FANCA: variants seen among roughly 807,000 people sequenced by gnomAD.
FANCA encodes the protein FA complementation group A.
FANCA carries 236 observed loss-of-function variants against 194.3 expected under a neutral mutation model. That is an observed-to-expected ratio of 1.21 (90% CI 1.09 to 1.35). The LOEUF (loss-of-function observed/expected upper bound fraction) is 1.35, where lower values mean the gene tolerates loss of function less well. Among genes scored for constraint, FANCA ranks in the 40% most tolerant of loss-of-function variants. FANCA has a pLI of 0.00. For missense variants in FANCA, 2,628 were observed against 1,813.9 expected (o/e 1.45, Z -8.15); for synonymous variants, 1,014 against 715.8 (o/e 1.42, Z -6.65).
At chr16:89,796,245 G>A (rs1032468427) in intron 10 of FANCA, among the ~76,000 whole-genome samples, 1 of 152,188 alleles carries the variant, frequency 6.6e-6, no homozygotes, top group African/African-American at 2.4e-5. Context: ...AGAAGCGAAG[G>A]AGCAGAAGGA....
intron 10 of FANCA, among the ~76,000 whole-genome samples, chr16:89,796,854 A>G (rs1467546402): frequency 6.6e-6 from 1 of 151,942 alleles, no homozygotes; most frequent in African/African-American, 2.4e-5. Flanking sequence ...AACCCCATCT[A>G]CACTAAAAAT....
intron 11 of FANCA, among the ~76,000 whole-genome samples, chr16:89,794,732 G>A (rs1414791085): frequency 1.3e-5 from 2 of 152,142 alleles, no homozygotes; most frequent in Non-Finnish European, 1.5e-5. Flanking sequence ...GGATATGCTA[G>A]ATACAGAAAA....
At chr16:89,744,751 G>C (rs931064073) in intron 36 of FANCA, 1 of 615,678 alleles carries the variant, frequency 1.6e-6, no homozygotes, top group Non-Finnish European at 3.0e-6. Context: ...CCACCTCCTG[G>C]GTTCAACTGA....
chr16:89,798,493 C>T (rs1325739524), intron 10 of FANCA: 1 of 1,102,614 alleles, frequency 9.1e-7, no homozygotes, highest in East Asian at 4.3e-5. Flanking sequence ...GTTGACAAGG[C>T]CTGGAAACAG....
intron 8 of FANCA, among the ~76,000 whole-genome samples, chr16:89,800,386 T>G (rs1385392879): frequency 1.3e-5 from 2 of 152,168 alleles, no homozygotes; most frequent in Admixed American, 6.5e-5. Flanking sequence ...TAAAACAGAC[T>G]TCCTCAAACA....
At chr16:89,769,156 G>C (rs1241263770) in intron 26 of FANCA, among the ~76,000 whole-genome samples, 1 of 152,190 alleles carries the variant, frequency 6.6e-6, no homozygotes, top group African/African-American at 2.4e-5. Flanking sequence ...TTCCCGCACA[G>C]GGTCTCCGGC....
rs778265193 is a variant in FANCA at position 89,812,654 on chromosome 16, A to AAAAC, written c.284-1584_284-1583insGTTT. On this transcript the variant is annotated intron_variant, in intron 3 of 42. Coordinates refer to ENST00000389301, the MANE Select transcript of FANCA (RefSeq NM_000135.4). The stretch of plus-strand genomic sequence containing the variant: ...AGAGCAATACTCCGTCTCAAAAAAA[A>AAAAC]AAAAAAAAAAAAAAAACTGTTAACT... Among the ~76,000 whole-genome samples, 128 of 149,220 alleles carry AAAAC rather than the reference A, an allele frequency of 8.6e-4. 1 individual carries two copies. The highest frequency in any genetic ancestry group is 6.9e-3 in the Middle Eastern group (2 of 290).
intron 10 of FANCA, 145 bp downstream of exon 10, chr16:89,799,021 C>G (rs2040347244): frequency 1.2e-6 from 2 of 1,614,130 alleles, no homozygotes; most frequent in Non-Finnish European, 1.7e-6. Context: ...TCGCCTCCTC[C>G]TCACGCACGT....
chr16:89,805,166 C>G (rs1194863916), intron 7 of FANCA, 114 bp downstream of exon 7: 1 of 805,044 alleles, frequency 1.2e-6, no homozygotes, highest in Non-Finnish European at 2.1e-6. Flanking sequence ...TGCCAGGTTC[C>G]CACGGCCACG....
chr16:89,752,522 A>G (rs560654974), intron 30 of FANCA, among the ~76,000 whole-genome samples: 1 of 152,366 alleles, frequency 6.6e-6, no homozygotes, highest in Admixed American at 6.5e-5. Context: ...GTATAATAAA[A>G]TATAAAACAA....
intron 36 of FANCA, among the ~76,000 whole-genome samples, chr16:89,743,503 G>A (rs2062181591): frequency 1.3e-5 from 2 of 152,066 alleles, no homozygotes; most frequent in African/African-American, 2.4e-5. Flanking sequence ...ATCTGCCTGG[G>A]CAACACAGTG....
At chr16:89,796,908 C>G (rs1441681704) in intron 10 of FANCA, among the ~76,000 whole-genome samples, 1 of 152,108 alleles carries the variant, frequency 6.6e-6, no homozygotes, top group Non-Finnish European at 1.5e-5. Flanking sequence ...CCTGTAATCC[C>G]AGCACTTTGG....
intron 36 of FANCA, chr16:89,744,642 C>CA: frequency 2.6e-6 from 1 of 388,474 alleles, no homozygotes; most frequent in Non-Finnish European, 4.9e-6. Flanking sequence ...GTTCCTCACT[C>CA]AGACGAGACA....
rs17232945 is a variant in FANCA, at chr16:89,772,323, T to A, written c.2015-509A>T. Among the ~76,000 whole-genome samples the A allele has an allele frequency of 3.6e-3, 548 of 152,362 alleles. 2 individuals are homozygous for A. Among genetic ancestry groups the A allele is most frequent in the African/African-American group, 0.013 (526 of 41,586 alleles). The stretch of plus-strand genomic sequence containing the variant: ...GTACCACATTCTGCACAAGCCATCA[T>A]TGAATCACCGGAAGGCTGCACTCAG... On this transcript the variant is annotated intron_variant, in intron 22 of 42. Transcript: ENST00000389301.
At chr16:89,807,655 C>G (rs569712840) in intron 6 of FANCA, among the ~76,000 whole-genome samples, 1 of 151,974 alleles carries the variant, frequency 6.6e-6, no homozygotes, top group Non-Finnish European at 1.5e-5. Context: ...GAGGCAGAGG[C>G]GGGCAGATCC....
At chr16:89,808,149 G>C (rs1406175848) in intron 6 of FANCA, 145 bp downstream of exon 6, 2 of 773,992 alleles carry the variant, frequency 2.6e-6, no homozygotes, top group African/African-American at 1.7e-5. Flanking sequence ...GTCTAGTCTA[G>C]TATAAATATG....
rs55756185 is a variant in FANCA at position 89,758,749 on chromosome 16, G to A, written c.2853-44C>T. 8.9e-4 allele frequency: 1,431 copies of A among 1,608,796 alleles called. 15 individuals carry two copies. In the East Asian group the frequency reaches 0.028, roughly 32 times the overall value. ...CTATCAATTCTGAGAAATGCTTCGT[G>A]GCCAGCGGTTCCCCATAACCAGGGA... On this transcript the variant is annotated intron_variant, in intron 29 of 42. Transcript: ENST00000389301.
chr16:89,770,126 G>A (rs1172829279), intron 25 of FANCA, 40 bp downstream of exon 25: 3 of 1,572,300 alleles, frequency 1.9e-6, no homozygotes, highest in East Asian at 2.3e-5. Context: ...GGCCCTCAGA[G>A]TGGGCCCCCA....
intron 29 of FANCA, among the ~76,000 whole-genome samples, chr16:89,761,420 GAAAAAAA>G (rs56659330): frequency 1.6e-4 from 15 of 95,718 alleles, no homozygotes; most frequent in South Asian, 6.5e-4. Flanking sequence ...CTCTGTCTCA[GAAAAAAA>G]AAAAAAAAAA....
Sources: gnomAD v4.1 joint callset for allele counts (sites outside exome capture counted in the v4.1 genomes callset) on GRCh38, gnomAD v4.1.1 for gene constraint, MANE v1.5 for transcripts, NCBI Gene and HGNC (gene_info 2026-07-23, HGNC 2026-07-21) for gene names.